DEFB119: variants seen among roughly 807,000 people sequenced by gnomAD.
DEFB119 encodes the protein defensin beta 119.
Under a neutral mutation model 2.5 loss-of-function variants are expected in DEFB119, and 3 were observed. The observed-to-expected ratio is 1.19, with a 90% confidence interval of 0.54 to 3.07. DEFB119 has a LOEUF of 3.07. Among genes scored for constraint, DEFB119 ranks in the 30% most tolerant of loss-of-function variants. The probability of loss-of-function intolerance (pLI) is 0.03; values close to 1 mark genes in which losing one functional copy is unlikely to be tolerated. For missense variants in DEFB119, 113 were observed against 101.1 expected, an observed-to-expected ratio of 1.12 and a Z score of -0.50; for synonymous variants, 29 against 33.7, an observed-to-expected ratio of 0.86 and a Z score of 0.48.
At position 31,390,533 on chromosome 20, in the gene DEFB119, T is replaced by C. The variant is rs771067890; in HGVS notation, c.-50A>G. ...GTGGCTGAGCTGCAGGGGAAGGAAATAGGGTTCCCTGCAGCACGGCAGAGA... is the reference window on the plus strand; with the variant it reads ...GTGGCTGAGCTGCAGGGGAAGGAAACAGGGTTCCCTGCAGCACGGCAGAGA... On this transcript the variant is annotated 5_prime_UTR_variant, in exon 1 of 2. Coordinates refer to ENST00000376321, the MANE Select transcript of DEFB119 (RefSeq NM_153289.4). 6 of 1,576,490 alleles carry C rather than the reference T, an allele frequency of 3.8e-6. No individual in the cohort carries two copies. Among genetic ancestry groups the C allele is most frequent in the South Asian group, 3.3e-5 (3 of 89,996 alleles).
At chr20:31,386,153 G>T (rs989292046) in intron 1 of DEFB119, among the ~76,000 whole-genome samples, 3 of 152,146 alleles carry the variant, frequency 2.0e-5, no homozygotes, top group Non-Finnish European at 4.4e-5. Flanking sequence ...GGGTGGTGAT[G>T]AGCAAAGGAA....
At chr20:31,380,164 A>C (rs972226120) in intron 1 of DEFB119, among the ~76,000 whole-genome samples, 2 of 152,154 alleles carry the variant, frequency 1.3e-5, no homozygotes, top group Non-Finnish European at 2.9e-5. Flanking sequence ...GTTCTTTTGT[A>C]TCTAAGACCT....
intron 1 of DEFB119, among the ~76,000 whole-genome samples, chr20:31,379,555 G>A (rs952544419): frequency 9.2e-5 from 14 of 151,640 alleles, no homozygotes; most frequent in African/African-American, 3.4e-4. Flanking sequence ...GTGCAGTGGT[G>A]TGATCTCTGC....
chr20:31,380,971 C>A (rs974473483), intron 1 of DEFB119, among the ~76,000 whole-genome samples: 3 of 152,140 alleles, frequency 2.0e-5, no homozygotes, highest in Non-Finnish European at 4.4e-5. Flanking sequence ...TACAAAAAAT[C>A]TTGCTGGGAT....
In DEFB119 at chr20:31,377,256, C is replaced by G. The variant is rs1986332210; in HGVS notation, c.245G>C (p.Arg82Thr). The change falls in exon 2 of 2, where the codon AGA (arginine) becomes ACA (threonine). Residue 82 changes from arginine to threonine, a missense_variant. Transcript: ENST00000376321. Reference sequence around the variant, plus strand: ...GGTAATCACCAGCACTCAAGGTAGTCTTGGCCACTGCTTCTCATAAGACCA... The same window carrying G: ...GGTAATCACCAGCACTCAAGGTAGTGTTGGCCACTGCTTCTCATAAGACCA... ...TDWSYEKQWPRLP is the reference protein window; with the variant it reads ...TDWSYEKQWPTLP 5 of 1,612,254 alleles carry G rather than the reference C, an allele frequency of 3.1e-6. No individual in the cohort carries two copies. The highest frequency in any genetic ancestry group is 3.4e-6 in the Non-Finnish European group (4 of 1,179,158).
At chr20:31,390,017 C>G (rs1986868492) in intron 1 of DEFB119, among the ~76,000 whole-genome samples, 1 of 152,020 alleles carries the variant, frequency 6.6e-6, no homozygotes, top group Non-Finnish European at 1.5e-5. Flanking sequence ...CCTAAACCAT[C>G]AGGGAAGCCC....
In DEFB119 at chr20:31,389,206, C is replaced by G. The variant is rs777217364; in HGVS notation, c.61+1217G>C. ...TTCACCATCTTTGCACAACAACCGG[C>G]AGTGTCCATCCATCCAACACTCTAC... On this transcript the variant is annotated intron_variant, in intron 1 of 1. Coordinates refer to ENST00000376321, the MANE Select transcript of DEFB119 (RefSeq NM_153289.4). The G allele has an allele frequency of 2.5e-6, 4 of 1,614,136 alleles. No individual in the cohort carries two copies. The East Asian group carries it at 6.7e-5, about 27-fold the overall frequency.
intron 1 of DEFB119, chr20:31,388,986 T>A: frequency 2.5e-6 from 4 of 1,608,016 alleles, no homozygotes; most frequent in Non-Finnish European, 3.4e-6. Flanking sequence ...TGAGTTTTAA[T>A]GAAATGTGGA....
At chr20:31,390,001 C>A (rs1472217199) in intron 1 of DEFB119, among the ~76,000 whole-genome samples, 1 of 152,078 alleles carries the variant, frequency 6.6e-6, no homozygotes, top group Non-Finnish European at 1.5e-5. Flanking sequence ...CTGTCTCCAA[C>A]TCTGCCCTAA....
chr20:31,390,362 G>A (rs1274369224), intron 1 of DEFB119, 61 bp downstream of exon 1: 3 of 1,493,512 alleles, frequency 2.0e-6, no homozygotes, highest in Non-Finnish European at 2.8e-6. Context: ...CAGTGAGAGG[G>A]AAGGGAAAGA....
At chr20:31,390,065 T>C (rs2122322258) in intron 1 of DEFB119, among the ~76,000 whole-genome samples, 1 of 151,880 alleles carries the variant, frequency 6.6e-6, no homozygotes, top group Non-Finnish European at 1.5e-5. Context: ...ATTCCTTCTA[T>C]CACTCCAATC....
chr20:31,377,566 T>G (rs2122282356), intron 1 of DEFB119, 127 bp from the exon 2 acceptor site: 1 of 1,022,060 alleles, frequency 9.8e-7, no homozygotes, highest in East Asian at 2.5e-5. Context: ...TAGTGACTTC[T>G]ACTTCCAGAA....
In DEFB119 at chr20:31,377,200, G is replaced by C; in HGVS notation, c.*46C>G. 1 of 1,534,158 alleles carries C rather than the reference G, an allele frequency of 6.5e-7. No homozygotes were observed. The highest frequency in any genetic ancestry group is 8.8e-7 in the Non-Finnish European group (1 of 1,134,932). ...TGAATTTTAATGAGGGGGGTTGACA[G>C]CAGGTCTCTGTGCCCAGAGAGCTTG... On this transcript the variant is annotated 3_prime_UTR_variant, in exon 2 of 2. Coordinates refer to ENST00000376321, the MANE Select transcript of DEFB119 (RefSeq NM_153289.4).
At chr20:31,384,983 A>G (rs1381877550) in intron 1 of DEFB119, among the ~76,000 whole-genome samples, 1 of 152,222 alleles carries the variant, frequency 6.6e-6, no homozygotes, top group Non-Finnish European at 1.5e-5. Flanking sequence ...AACTTCAAAA[A>G]TAAAAGAAAA....
chr20:31,388,431 G>T, intron 1 of DEFB119: 1 of 494,814 alleles, frequency 2.0e-6, no homozygotes, highest in Non-Finnish European at 2.6e-6. Context: ...TATATGCAGA[G>T]TCTGCCAGTA....
intron 1 of DEFB119, among the ~76,000 whole-genome samples, chr20:31,378,616 G>T (rs1323246474): frequency 1.3e-5 from 2 of 152,178 alleles, no homozygotes; most frequent in Non-Finnish European, 2.9e-5. Context: ...ATATTCCACA[G>T]TATAAATGTA....
intron 1 of DEFB119, chr20:31,388,997 C>T (rs753231988): frequency 1.9e-6 from 3 of 1,609,512 alleles, no homozygotes; most frequent in Non-Finnish European, 2.5e-6. Context: ...GAAATGTGGA[C>T]CCTAAGCAAC....
intron 1 of DEFB119, chr20:31,389,027 A>G: frequency 1.2e-6 from 2 of 1,613,988 alleles, no homozygotes; most frequent in Non-Finnish European, 1.7e-6. Flanking sequence ...AGTCATTTCT[A>G]TCTATTAGTT....
intron 1 of DEFB119, among the ~76,000 whole-genome samples, chr20:31,384,554 G>A (rs1165341339): frequency 6.6e-6 from 1 of 152,124 alleles, no homozygotes; most frequent in Non-Finnish European, 1.5e-5. Context: ...AGGAATAATA[G>A]ATATGGTATG....
Sources: gnomAD v4.1 joint callset for allele counts (sites outside exome capture counted in the v4.1 genomes callset) on GRCh38, gnomAD v4.1.1 for gene constraint, MANE v1.5 for transcripts, NCBI Gene and HGNC (gene_info 2026-07-23, HGNC 2026-07-21) for gene names.